DPP10: variants seen among roughly 807,000 people sequenced by gnomAD.
DPP10 encodes dipeptidyl peptidase like 10.
In DPP10, 33 loss-of-function variants were observed where a neutral mutation model predicts 120.9. That is an observed-to-expected ratio of 0.27 (90% CI 0.21 to 0.37). DPP10 has a LOEUF of 0.37. Among genes scored for constraint, DPP10 ranks in the 10% least tolerant of loss-of-function variants. The probability of loss-of-function intolerance (pLI) is 1.00; values close to 1 mark genes in which losing one functional copy is unlikely to be tolerated. For synonymous variants in DPP10, 337 were observed against 326.1 expected (o/e 1.03, Z -0.36); for missense variants, 816 against 942.8 (o/e 0.87, Z 1.76).
chr2:115,741,172 G>A (rs76988762), intron 9 of DPP10, among the ~76,000 whole-genome samples: 5,153 of 152,132 alleles, frequency 0.034, 195 homozygotes, highest in South Asian at 0.098. Context: ...AATAAAATGA[G>A]CATATTCCTC....
chr2:115,513,710 T>C (rs1423886861), intron 4 of DPP10, among the ~76,000 whole-genome samples: 1 of 152,068 alleles, frequency 6.6e-6, no homozygotes, highest in Non-Finnish European at 1.5e-5. Context: ...GTTATATCTT[T>C]ATATGTTATA....
At chr2:114,841,081 T>C (rs1364711955) in intron 1 of DPP10, among the ~76,000 whole-genome samples, 1 of 152,202 alleles carries the variant, frequency 6.6e-6, no homozygotes, top group Non-Finnish European at 1.5e-5. Flanking sequence ...TTTGAATATG[T>C]ATTATGTTTT....
chr2:115,474,728 G>A (rs1306963480), intron 3 of DPP10, among the ~76,000 whole-genome samples: 22 of 139,288 alleles, frequency 1.6e-4, no homozygotes, highest in South Asian at 2.3e-4. Context: ...CCATGTGATA[G>A]AAAAAAAAAA....
chr2:115,111,750 C>T (rs1288320903), intron 1 of DPP10, among the ~76,000 whole-genome samples: 1 of 152,164 alleles, frequency 6.6e-6, no homozygotes, highest in African/African-American at 2.4e-5. Flanking sequence ...GTAATAGGAT[C>T]CATCCAGAGC....
At chr2:115,210,940 A>G (rs1156627979) in intron 1 of DPP10, among the ~76,000 whole-genome samples, 1 of 152,164 alleles carries the variant, frequency 6.6e-6, no homozygotes, top group East Asian at 1.9e-4. Flanking sequence ...TGATACAGAG[A>G]GGAAGATCAA....
At chr2:115,279,004 G>A (rs1444476489) in intron 1 of DPP10, among the ~76,000 whole-genome samples, 4 of 152,136 alleles carry the variant, frequency 2.6e-5, no homozygotes, top group Admixed American at 2.0e-4. Context: ...GAGAAGACAG[G>A]TGTAAACTTG....
At chr2:115,250,244 T>A (rs1040935071) in intron 1 of DPP10, among the ~76,000 whole-genome samples, 1 of 152,166 alleles carries the variant, frequency 6.6e-6, no homozygotes, top group Non-Finnish European at 1.5e-5. Context: ...AGATATTTAC[T>A]GAGAGACTGC....
chr2:114,539,119 G>C (rs528031411), intron 1 of DPP10, among the ~76,000 whole-genome samples: 1 of 149,100 alleles, frequency 6.7e-6, no homozygotes, highest in East Asian at 1.9e-4. Flanking sequence ...AATAAAAATT[G>C]TATTTTATAT....
chr2:115,697,841 C>T lies in DPP10; in HGVS notation c.576+7920C>T, dbSNP rs559121431. Among the ~76,000 whole-genome samples, 42 of 152,062 alleles carry T rather than the reference C, an allele frequency of 2.8e-4. 1 individual carries two copies. The highest frequency in any genetic ancestry group is 6.0e-4 in the African/African-American group (25 of 41,492). On this transcript the variant is annotated intron_variant, in intron 7 of 25. Coordinates refer to ENST00000410059, the MANE Select transcript of DPP10 (RefSeq NM_020868.6). ...TCCACTAAAAATACAAAAAATTAGC[C>T]GGGCGTGGTGGCGGGCGCCTGTAGT... is the stretch of plus-strand genomic sequence containing the variant.
chr2:114,885,346 A>T (rs766512772), intron 1 of DPP10, among the ~76,000 whole-genome samples: 1 of 152,138 alleles, frequency 6.6e-6, no homozygotes, highest in South Asian at 2.1e-4. Flanking sequence ...CCGAGGGGAT[A>T]ATGCTAAACC....
chr2:114,504,872 C>G (rs1683498360), intron 1 of DPP10, among the ~76,000 whole-genome samples: 1 of 151,834 alleles, frequency 6.6e-6, no homozygotes, highest in Non-Finnish European at 1.5e-5. Context: ...GCCAATATGG[C>G]AAAACCCCAT....
intron 3 of DPP10, among the ~76,000 whole-genome samples, chr2:115,352,264 GAAAA>G (rs770662208): frequency 5.9e-5 from 9 of 151,720 alleles, no homozygotes; most frequent in African/African-American, 1.5e-4. Flanking sequence ...TTTAAAATAA[GAAAA>G]AAAAGCTTGG....
chr2:115,410,167 A>G (rs974849968), intron 3 of DPP10, among the ~76,000 whole-genome samples: 20 of 152,360 alleles, frequency 1.3e-4, no homozygotes, highest in African/African-American at 4.3e-4. Flanking sequence ...TCTGTTATAA[A>G]GATACGTGCA....
At chr2:115,167,240 A>C (rs1049810843) in intron 1 of DPP10, among the ~76,000 whole-genome samples, 2 of 149,878 alleles carry the variant, frequency 1.3e-5, no homozygotes, top group Admixed American at 6.6e-5. Flanking sequence ...TAGTCTGGGA[A>C]TAAGAGCCTA....
At chr2:114,794,195 A>G (rs1683488894) in intron 1 of DPP10, among the ~76,000 whole-genome samples, 1 of 152,132 alleles carries the variant, frequency 6.6e-6, no homozygotes, top group Non-Finnish European at 1.5e-5. Context: ...ATGACTGGTA[A>G]TTACAGTTTT....
intron 1 of DPP10, among the ~76,000 whole-genome samples, chr2:114,600,929 A>G (rs1374294689): frequency 6.6e-6 from 1 of 151,862 alleles, no homozygotes; most frequent in Non-Finnish European, 1.5e-5. Context: ...GAAAGAGAGG[A>G]AGAAGAAACA....
chr2:115,518,789 T>C (rs2077640025), intron 4 of DPP10, among the ~76,000 whole-genome samples: 1 of 152,142 alleles, frequency 6.6e-6, no homozygotes, highest in South Asian at 2.1e-4. Flanking sequence ...GTTACACACA[T>C]TGTATAAGGC....
At chr2:115,390,120 T>A (rs1292332090) in intron 3 of DPP10, among the ~76,000 whole-genome samples, 2 of 152,178 alleles carry the variant, frequency 1.3e-5, no homozygotes, top group Admixed American at 1.3e-4. Context: ...ACAGTGACTA[T>A]CCCCTTGTAG....
intron 1 of DPP10, among the ~76,000 whole-genome samples, chr2:114,766,424 A>T (rs1447469102): frequency 6.6e-6 from 1 of 152,196 alleles, no homozygotes; most frequent in Admixed American, 6.5e-5. Context: ...TTTGAAACCC[A>T]GCAATCACAT....
Sources: gnomAD v4.1 joint callset for allele counts (sites outside exome capture counted in the v4.1 genomes callset) on GRCh38, gnomAD v4.1.1 for gene constraint, MANE v1.5 for transcripts, NCBI Gene and HGNC (gene_info 2026-07-23, HGNC 2026-07-21) for gene names.